The following SLC10A7 variants were observed in gnomAD, a reference collection of about 807,000 sequenced individuals.
SLC10A7 encodes solute carrier family 10 member 7.
A neutral mutation model predicts 43.2 loss-of-function variants in SLC10A7; 29 were observed. The ratio of observed to expected loss-of-function variants is 0.67; its 90% CI spans 0.50 to 0.92. The LOEUF is 0.92. Ranked by LOEUF, SLC10A7 falls within the 40% of genes least tolerant of loss-of-function variation. SLC10A7 has a pLI of 0.00. For missense variants in SLC10A7, 295 were observed against 403.2 expected (o/e 0.73, Z 2.30); for synonymous variants, 152 against 144.8 (o/e 1.05, Z -0.35).
chr4:146,440,104 T>G (rs983224592), intron 5 of SLC10A7, among the ~76,000 whole-genome samples: 2 of 152,152 alleles, frequency 1.3e-5, no homozygotes, highest in Non-Finnish European at 2.9e-5. Flanking sequence ...TTTCCTCTTC[T>G]TTCTTAGTAA....
At chr4:146,264,896 T>C (rs1279801947) in intron 10 of SLC10A7, among the ~76,000 whole-genome samples, 1 of 152,216 alleles carries the variant, frequency 6.6e-6, no homozygotes, top group African/African-American at 2.4e-5. Context: ...GCTAAGATTA[T>C]ACTTATAGCC....
chr4:146,366,236 G>C (rs1169749680), intron 5 of SLC10A7, among the ~76,000 whole-genome samples: 1 of 152,070 alleles, frequency 6.6e-6, no homozygotes, highest in African/African-American at 2.4e-5. Flanking sequence ...AGGCCAGATG[G>C]GTTTCAAATT....
chr4:146,320,296 A>G (rs1217576995), intron 6 of SLC10A7, among the ~76,000 whole-genome samples: 1 of 152,076 alleles, frequency 6.6e-6, no homozygotes. Flanking sequence ...AATATGAAGC[A>G]GTAGAGATGA....
chr4:146,313,163 A>G (rs1042700527), intron 6 of SLC10A7, among the ~76,000 whole-genome samples: 1 of 152,100 alleles, frequency 6.6e-6, no homozygotes, highest in Non-Finnish European at 1.5e-5. Flanking sequence ...GATTGACCCT[A>G]CCCGCTTAAG....
chr4:146,362,555 T>C (rs1396287099), intron 5 of SLC10A7, among the ~76,000 whole-genome samples: 1 of 152,008 alleles, frequency 6.6e-6, no homozygotes, highest in Non-Finnish European at 1.5e-5. Context: ...AGTACACAAA[T>C]ACAGAATACT....
chr4:146,475,971 T>A (rs1733987769), intron 4 of SLC10A7, among the ~76,000 whole-genome samples: 1 of 152,210 alleles, frequency 6.6e-6, no homozygotes. Flanking sequence ...ATTAAGCTGC[T>A]AAAGGTGTTT....
chr4:146,469,860 T>C (rs1733401917), intron 4 of SLC10A7, among the ~76,000 whole-genome samples: 1 of 152,114 alleles, frequency 6.6e-6, no homozygotes. Flanking sequence ...AGGTAACTCC[T>C]GGCCCAAGTG....
intron 10 of SLC10A7, among the ~76,000 whole-genome samples, chr4:146,262,672 G>A (rs146588400): frequency 6.4e-4 from 98 of 152,334 alleles, no homozygotes; most frequent in African/African-American, 2.3e-3. Context: ...CCTGGGAAGC[G>A]TGATTTGACC....
At chr4:146,489,297 G>A (rs780084144) in intron 4 of SLC10A7, among the ~76,000 whole-genome samples, 1 of 152,218 alleles carries the variant, frequency 6.6e-6, no homozygotes, top group Non-Finnish European at 1.5e-5. Flanking sequence ...GAGAAGGGCA[G>A]AGAAGGGAGG....
intron 5 of SLC10A7, among the ~76,000 whole-genome samples, chr4:146,359,342 A>G (rs182649253): frequency 1.5e-4 from 23 of 152,232 alleles, no homozygotes; most frequent in Admixed American, 1.3e-3. Context: ...CTTGCCTTTT[A>G]TTCTCTTAAT....
intron 5 of SLC10A7, among the ~76,000 whole-genome samples, chr4:146,373,139 G>C (rs942794798): frequency 3.3e-5 from 5 of 152,150 alleles, no homozygotes; most frequent in Admixed American, 1.3e-4. Flanking sequence ...AAAGCAAAAG[G>C]CTGATTACAA....
intron 6 of SLC10A7, among the ~76,000 whole-genome samples, chr4:146,312,824 T>C (rs1732070978): frequency 1.3e-5 from 2 of 152,124 alleles, no homozygotes; most frequent in Non-Finnish European, 1.5e-5. Flanking sequence ...TTCAGGTTAC[T>C]CAAACCCACA....
intron 11 of SLC10A7, 188 bp from the exon 12 acceptor site, chr4:146,256,708 T>C (rs961390572): frequency 1.0e-6 from 1 of 963,986 alleles, no homozygotes; most frequent in South Asian, 1.6e-5. Context: ...CCAGCAGACT[T>C]TGTCATTTCC....
chr4:146,426,659 AG>A (rs1224764571), intron 5 of SLC10A7, among the ~76,000 whole-genome samples: 1 of 152,176 alleles, frequency 6.6e-6, no homozygotes, highest in Non-Finnish European at 1.5e-5. Flanking sequence ...GCAGATCACG[AG>A]GTCAGGAGAT....
intron 10 of SLC10A7, 103 bp downstream of exon 10, chr4:146,283,089 A>C (rs1729652006): frequency 2.2e-6 from 2 of 893,328 alleles, no homozygotes; most frequent in African/African-American, 1.7e-5. Flanking sequence ...TAGTGTGGAC[A>C]ACACCCCATT....
intron 4 of SLC10A7, among the ~76,000 whole-genome samples, chr4:146,474,531 A>G (rs1035388675): frequency 2.0e-5 from 3 of 152,182 alleles, no homozygotes; most frequent in Admixed American, 2.0e-4. Context: ...ACAAAAGAAA[A>G]GCATGTATAT....
At chr4:146,479,076 A>G (rs1734254037) in intron 4 of SLC10A7, among the ~76,000 whole-genome samples, 1 of 152,176 alleles carries the variant, frequency 6.6e-6, no homozygotes, top group African/African-American at 2.4e-5. Flanking sequence ...TTATCCTAAA[A>G]TATCACATTT....
chr4:146,261,643 G>C (rs77444153), intron 10 of SLC10A7, among the ~76,000 whole-genome samples: 3,331 of 152,196 alleles, frequency 0.022, 112 homozygotes, highest in African/African-American at 0.076. Context: ...TGCAGCTGCG[G>C]CCAAAATTTG....
chr4:146,322,467 G>C (rs1732786820), intron 6 of SLC10A7, among the ~76,000 whole-genome samples: 1 of 149,906 alleles, frequency 6.7e-6, no homozygotes, highest in African/African-American at 2.5e-5. Flanking sequence ...AGAACATGCG[G>C]TGTTTGGTTT....
Sources: allele counts gnomAD v4.1 joint callset (sites outside exome capture counted in the v4.1 genomes callset), GRCh38; gene constraint gnomAD v4.1.1; transcripts MANE v1.5; gene names NCBI Gene and HGNC (gene_info 2026-07-23, HGNC 2026-07-21).